The following ASCC3 variants were observed in gnomAD, a reference collection of about 807,000 sequenced individuals.
The protein encoded by ASCC3 is activating signal cointegrator 1 complex subunit 3.
In ASCC3, 158 loss-of-function variants were observed where a neutral mutation model predicts 256.3. That is an observed-to-expected ratio of 0.62 (90% CI 0.54 to 0.70). The LOEUF is 0.70. Ranked by LOEUF, ASCC3 falls within the 30% of genes least tolerant of loss-of-function variation. The pLI, the probability that ASCC3 is intolerant of heterozygous loss-of-function variation, is 0.00. For synonymous variants in ASCC3, 948 were observed against 883.4 expected, an observed-to-expected ratio of 1.07 and a Z score of -1.30; for missense variants, 2,259 against 2,626.0, an observed-to-expected ratio of 0.86 and a Z score of 3.05.
chr6:100,628,108 A>G (rs1774339971), intron 27 of ASCC3, 121 bp from the exon 28 acceptor site: 1 of 1,067,318 alleles, frequency 9.4e-7, no homozygotes, highest in Admixed American at 2.5e-5. Context: ...AAAAACAAAA[A>G]AAAAGCTAAA....
intron 36 of ASCC3, among the ~76,000 whole-genome samples, chr6:100,551,675 A>C (rs1769309625): frequency 6.6e-6 from 1 of 152,062 alleles, no homozygotes; most frequent in Non-Finnish European, 1.5e-5. Context: ...CAAATTTGAC[A>C]CAGACAACAC....
intron 36 of ASCC3, among the ~76,000 whole-genome samples, chr6:100,588,585 T>C (rs1283503141): frequency 6.6e-6 from 1 of 152,176 alleles, no homozygotes; most frequent in East Asian, 1.9e-4. Context: ...TCCTCTATTC[T>C]TTTCTACAGA....
In ASCC3 at chr6:100,627,599, C is replaced by T. The variant is rs769623998; in HGVS notation, c.4633G>A (p.Ala1545Thr). The change falls in exon 29 of 42, where the codon GCA becomes ACA. Residue 1545 changes from alanine to threonine, a missense_variant. Ala to Thr is a moderately conservative substitution (Grantham distance 58, BLOSUM62 0). Around this residue, in one of 2 missense-constraint regions of ASCC3, gnomAD observed 1,839 missense variants for 2,206.7 expected, o/e 0.83. Coordinates refer to ENST00000369162, the MANE Select transcript of ASCC3 (RefSeq NM_006828.4). The part of the protein sequence containing the change: ...CPRMASMNKP[A>T]FQAIRSHSPA... ...AGAATCTGAAGCTTACCCTGAAATG[C>T]AGGCTTGTTCATACTAGCCATACGA... The T allele has an allele frequency of 6.2e-7, 1 of 1,613,382 alleles. No individual in the cohort carries two copies. The highest frequency in any genetic ancestry group is 2.2e-5 in the East Asian group (1 of 44,842).
chr6:100,540,165 G>A lies in ASCC3; in HGVS notation c.5773C>T (p.Gln1925Ter). Reference protein sequence around the residue: ...TVLDQALRVCQAMLDVAANQG... With the variant: ...TVLDQALRVC ...GGTATTAGAAATGACTTTCATACCT[G>A]ACATACTCTGAGAGCTTGGTCCAAG... is the stretch of plus-strand genomic sequence containing the variant. The change falls in exon 37 of 42, where the codon CAG becomes TAG. Residue 1925 changes from glutamine to a stop codon, truncating the protein, a stop_gained and splice_region_variant. Transcript: ENST00000369162. LOFTEE classifies it high-confidence loss of function. 6.2e-7 allele frequency: 1 copy of A among 1,611,530 alleles called. No homozygotes were observed. Among genetic ancestry groups the A allele is most frequent in the Non-Finnish European group, 8.5e-7 (1 of 1,177,672 alleles).
At chr6:100,590,558 C>T (rs1157746064) in intron 34 of ASCC3, among the ~76,000 whole-genome samples, 1 of 152,112 alleles carries the variant, frequency 6.6e-6, no homozygotes, top group Non-Finnish European at 1.5e-5. Flanking sequence ...AACCCTATAT[C>T]CTAGTCAGCA....
chr6:100,611,828 T>C (rs552460484), intron 30 of ASCC3, among the ~76,000 whole-genome samples: 1 of 151,594 alleles, frequency 6.6e-6, no homozygotes, highest in East Asian at 1.9e-4. Flanking sequence ...CTTAGGACAT[T>C]AAGGCTTAAT....
intron 13 of ASCC3, among the ~76,000 whole-genome samples, chr6:100,682,970 T>C (rs376715578): frequency 9.2e-5 from 14 of 152,120 alleles, no homozygotes; most frequent in African/African-American, 3.1e-4. Flanking sequence ...GAAATTGAAT[T>C]ATTAACAACT....
chr6:100,808,986 A>G (rs897153043), intron 4 of ASCC3, among the ~76,000 whole-genome samples: 3 of 151,952 alleles, frequency 2.0e-5, no homozygotes, highest in African/African-American at 7.2e-5. Context: ...CTACTGTACA[A>G]AAGATAAAAA....
At chr6:100,870,218 TTTTTAATGCA>T (rs1309182863) in intron 1 of ASCC3, among the ~76,000 whole-genome samples, 39 of 13,142 alleles carry the variant, frequency 3.0e-3, no homozygotes, top group African/African-American at 0.01. Flanking sequence ...TAAAAATGCA[TTTTTAATGCA>T]TTTTTTAATG....
At chr6:100,560,694 C>T (rs1222560733) in intron 36 of ASCC3, among the ~76,000 whole-genome samples, 2 of 149,906 alleles carry the variant, frequency 1.3e-5, no homozygotes, top group African/African-American at 2.5e-5. Context: ...CAAGAGAAAG[C>T]AAACATGCAT....
At chr6:100,566,956 T>C (rs1005845863) in intron 36 of ASCC3, among the ~76,000 whole-genome samples, 2 of 152,148 alleles carry the variant, frequency 1.3e-5, no homozygotes, top group Admixed American at 1.3e-4. Context: ...AGGATCTCCA[T>C]CTTATTAATT....
At chr6:100,823,865 T>C (rs1050759181) in intron 4 of ASCC3, among the ~76,000 whole-genome samples, 2 of 152,208 alleles carry the variant, frequency 1.3e-5, no homozygotes, top group African/African-American at 4.8e-5. Flanking sequence ...CACAGAATTA[T>C]ATCACTGTTA....
chr6:100,736,895 C>A (rs899710052), intron 10 of ASCC3, among the ~76,000 whole-genome samples: 4 of 152,060 alleles, frequency 2.6e-5, no homozygotes, highest in African/African-American at 7.2e-5. Context: ...CACCTGTAAT[C>A]CTAGGACTTT....
intron 10 of ASCC3, among the ~76,000 whole-genome samples, chr6:100,733,083 A>G (rs1208682309): frequency 6.6e-6 from 1 of 152,232 alleles, no homozygotes; most frequent in African/African-American, 2.4e-5. Context: ...TGATGAAAGT[A>G]TACATAATAT....
intron 11 of ASCC3, among the ~76,000 whole-genome samples, chr6:100,722,761 G>A (rs190640306): frequency 6.6e-6 from 1 of 151,802 alleles, no homozygotes; most frequent in East Asian, 1.9e-4. Context: ...CATCTTTTAA[G>A]CCCAGTTCAC....
intron 10 of ASCC3, among the ~76,000 whole-genome samples, chr6:100,762,744 T>C (rs557666475): frequency 1.3e-5 from 2 of 152,284 alleles, no homozygotes; most frequent in African/African-American, 4.8e-5. Flanking sequence ...TCACATCTCA[T>C]ATTATACTTA....
intron 10 of ASCC3, among the ~76,000 whole-genome samples, chr6:100,756,747 GATAATCTATAACTATTA>G (rs1200455572): frequency 6.6e-6 from 1 of 152,074 alleles, no homozygotes; most frequent in Non-Finnish European, 1.5e-5. Flanking sequence ...AGAATTTACA[GATAATCTATAACTATTA>G]GTAAGAATAC....
intron 4 of ASCC3, among the ~76,000 whole-genome samples, chr6:100,841,084 C>T (rs4454144): frequency 0.67 from 101,764 of 151,980 alleles, 34,360 homozygotes; most frequent in East Asian, 0.71. Flanking sequence ...TTCTTTCCTT[C>T]GGAAAGATAA....
At chr6:100,706,000 A>T (rs912265722) in intron 13 of ASCC3, among the ~76,000 whole-genome samples, 5 of 151,912 alleles carry the variant, frequency 3.3e-5, no homozygotes, top group Non-Finnish European at 7.4e-5. Context: ...TCCAGAAGCA[A>T]ATCTCTCTCT....
Sources: allele counts gnomAD v4.1 joint callset (sites outside exome capture counted in the v4.1 genomes callset), GRCh38; gene constraint gnomAD v4.1.1; regional missense constraint gnomAD v4.1.1; transcripts MANE v1.5; gene names NCBI Gene and HGNC (gene_info 2026-07-23, HGNC 2026-07-21).